Variants in EYA4 observed in about 807,000 individuals in gnomAD.
EYA4 encodes the protein EYA transcriptional coactivator and phosphatase 4.
EYA4 carries 31 observed loss-of-function variants against 87.9 expected under a neutral mutation model. That is an observed-to-expected ratio of 0.35 (90% CI 0.27 to 0.48). The LOEUF (loss-of-function observed/expected upper bound fraction) is 0.48. Among genes scored for constraint, EYA4 ranks in the 20% least tolerant of loss-of-function variants. The probability of loss-of-function intolerance (pLI) is 0.99; values close to 1 mark genes in which losing one functional copy is unlikely to be tolerated. For missense variants in EYA4, 678 were observed against 761.4 expected (o/e 0.89, Z 1.29); for synonymous variants, 263 against 270.6 (o/e 0.97, Z 0.28).
chr6:133,378,309 C>G (rs954137040), intron 2 of EYA4, among the ~76,000 whole-genome samples: 1 of 151,932 alleles, frequency 6.6e-6, no homozygotes, highest in African/African-American at 2.4e-5. Context: ...CATTAGTTTT[C>G]TAGTTCATAA....
At chr6:133,440,376 G>A (rs1301288429) in intron 3 of EYA4, among the ~76,000 whole-genome samples, 1 of 152,142 alleles carries the variant, frequency 6.6e-6, no homozygotes, top group Non-Finnish European at 1.5e-5. Context: ...TCTTTAATAG[G>A]AAGGGCACTT....
chr6:133,394,174 C>A (rs1188908484), intron 3 of EYA4, among the ~76,000 whole-genome samples: 1 of 151,562 alleles, frequency 6.6e-6, no homozygotes, highest in South Asian at 2.1e-4. Flanking sequence ...TCTTTATATT[C>A]CTAAAATTCA....
intron 2 of EYA4, among the ~76,000 whole-genome samples, chr6:133,309,187 TAA>T: frequency 7.1e-6 from 1 of 140,298 alleles, no homozygotes; most frequent in Admixed American, 7.3e-5. Context: ...GTAGTTACTT[TAA>T]ATATATTTTT....
rs1800875583 is a variant in EYA4 at position 133,529,459 on chromosome 6, C to CTTT, written c.*656_*657insTTT. 9.2e-6 allele frequency: 9 copies of CTTT among 983,460 alleles called. No homozygotes were observed. In the South Asian group the frequency reaches 2.8e-4, roughly 31 times the overall value. 60.9% of individuals were successfully genotyped at this position (983,460 alleles called of 1,614,324 possible). A position where few individuals can be genotyped will look rare whatever the true frequency, so the allele number is the denominator to read the frequency against. Reference sequence around the variant, plus strand: ...GAATGTTCATACTGATGTGTTGTGCCTTAAAGACAAGACAGCATTTGTGTG... The same window carrying CTTT: ...GAATGTTCATACTGATGTGTTGTGCCTTTTTAAAGACAAGACAGCATTTGTGTG... On this transcript the variant is annotated 3_prime_UTR_variant, in exon 20 of 20. Transcript: ENST00000355286.
intron 3 of EYA4, among the ~76,000 whole-genome samples, chr6:133,403,223 C>T (rs1488485040): frequency 6.6e-6 from 1 of 151,636 alleles, no homozygotes; most frequent in Non-Finnish European, 1.5e-5. Flanking sequence ...TTTTATTGCA[C>T]CTGAAGGTTA....
chr6:133,240,954 G>A (rs1211588686), upstream of EYA4: 2 of 152,220 alleles, frequency 1.3e-5, no homozygotes, highest in African/African-American at 4.8e-5. Flanking sequence ...GGGATCGACA[G>A]TGGCTCTCCG....
intron 2 of EYA4, among the ~76,000 whole-genome samples, chr6:133,311,218 A>G (rs1237501940): frequency 6.6e-6 from 1 of 152,056 alleles, no homozygotes; most frequent in African/African-American, 2.4e-5. Flanking sequence ...CCCTCTCTGG[A>G]CCATGGTAGT....
At chr6:133,410,017 TATTAAGCTTTTGAAACACTTCAA>T in intron 3 of EYA4, among the ~76,000 whole-genome samples, 1 of 152,288 alleles carries the variant, frequency 6.6e-6, no homozygotes, top group Non-Finnish European at 1.5e-5. Flanking sequence ...AAAATAGAGT[TATTAAGCTTTTGAAACACTTCAA>T]ATACGTCAGC....
intron 3 of EYA4, among the ~76,000 whole-genome samples, chr6:133,446,379 A>G (rs1339095546): frequency 6.6e-6 from 1 of 152,192 alleles, no homozygotes; most frequent in Admixed American, 6.5e-5. Context: ...ATAATATGTT[A>G]TAATAACGTG....
chr6:133,441,662 G>C (rs1482691740), intron 3 of EYA4, among the ~76,000 whole-genome samples: 1 of 152,076 alleles, frequency 6.6e-6, no homozygotes, highest in Admixed American at 6.6e-5. Context: ...GGAAAAAAAT[G>C]GTTATCCAGG....
intron 2 of EYA4, among the ~76,000 whole-genome samples, chr6:133,343,824 G>A: frequency 6.6e-6 from 1 of 151,974 alleles, no homozygotes; most frequent in Non-Finnish European, 1.5e-5. Context: ...ATTTACATAT[G>A]TAAAAGTCCA....
chr6:133,332,711 A>ATCTTTTTTT (rs1782062989), intron 2 of EYA4, among the ~76,000 whole-genome samples: 1 of 124,892 alleles, frequency 8.0e-6, no homozygotes, highest in Non-Finnish European at 1.6e-5. Flanking sequence ...GCCCAGCTAA[A>ATCTTTTTTT]TTTTTTTTTT....
At chr6:133,394,323 A>G (rs1048193935) in intron 3 of EYA4, among the ~76,000 whole-genome samples, 1 of 85,996 alleles carries the variant, frequency 1.2e-5, no homozygotes, top group African/African-American at 8.6e-5. Context: ...TTTTTTGGTC[A>G]TCGAATGATT....
chr6:133,308,432 T>G (rs960042927), intron 2 of EYA4, among the ~76,000 whole-genome samples: 3 of 152,200 alleles, frequency 2.0e-5, no homozygotes, highest in Non-Finnish European at 4.4e-5. Context: ...ATGTGTAAGT[T>G]TGTGACATGG....
At chr6:133,483,633 C>T (rs574604112) in intron 13 of EYA4, among the ~76,000 whole-genome samples, 1 of 151,668 alleles carries the variant, frequency 6.6e-6, no homozygotes, top group Non-Finnish European at 1.5e-5. Flanking sequence ...TAGATGGTCT[C>T]ATGCCTCACC....
intron 13 of EYA4, among the ~76,000 whole-genome samples, chr6:133,497,139 TG>T (rs1337028512): frequency 3.9e-5 from 6 of 152,164 alleles, no homozygotes; most frequent in Non-Finnish European, 7.3e-5. Context: ...TGTGATTGAT[TG>T]GTACTACCAT....
intron 17 of EYA4, among the ~76,000 whole-genome samples, chr6:133,521,109 C>T (rs1196871735): frequency 6.6e-6 from 1 of 150,642 alleles, no homozygotes; most frequent in Non-Finnish European, 1.5e-5. Flanking sequence ...ACAAAATTGA[C>T]AAATGGGATC....
intron 2 of EYA4, among the ~76,000 whole-genome samples, chr6:133,338,077 A>T (rs369894414): frequency 1.3e-5 from 2 of 152,198 alleles, no homozygotes; most frequent in East Asian, 3.9e-4. Context: ...TTTTATTGTA[A>T]AAAGAACATT....
At chr6:133,334,114 C>T (rs559029287) in intron 2 of EYA4, among the ~76,000 whole-genome samples, 3 of 152,314 alleles carry the variant, frequency 2.0e-5, no homozygotes, top group East Asian at 1.9e-4. Context: ...CCATTCAGTC[C>T]GTGAAAATGA....
Sources: gnomAD v4.1 joint callset for allele counts (sites outside exome capture counted in the v4.1 genomes callset) on GRCh38, gnomAD v4.1.1 for gene constraint, MANE v1.5 for transcripts, NCBI Gene and HGNC (gene_info 2026-07-23, HGNC 2026-07-21) for gene names.